MFSD11: variants seen among roughly 807,000 people sequenced by gnomAD.
MFSD11 encodes the protein major facilitator superfamily domain containing 11, also known as UNC93-like protein MFSD11.
MFSD11 carries 36 observed loss-of-function variants against 53.5 expected under a neutral mutation model. That is an observed-to-expected ratio of 0.67 (90% CI 0.52 to 0.89). The LOEUF (loss-of-function observed/expected upper bound fraction) is 0.89. Ranked by LOEUF, MFSD11 falls within the 40% of genes least tolerant of loss-of-function variation. MFSD11 has a pLI of 0.00. For missense variants in MFSD11, 530 were observed against 543.9 expected, an observed-to-expected ratio of 0.97 and a Z score of 0.25; for synonymous variants, 186 against 184.9, an observed-to-expected ratio of 1.01 and a Z score of -0.05.
chr17:76,789,476 T>C, the MFSD11 span, among the ~76,000 whole-genome samples: 1 of 150,046 alleles, frequency 6.7e-6, no homozygotes, highest in Non-Finnish European at 1.5e-5. Context: ...AAACTCCCAT[T>C]TTGCCTCTTA....
At chr17:76,796,380 A>C in the MFSD11 span, among the ~76,000 whole-genome samples, 5 of 152,060 alleles carry the variant, frequency 3.3e-5, no homozygotes, top group Non-Finnish European at 7.4e-5. Flanking sequence ...TCACAACTAT[A>C]TTAACTCTTG....
chr17:76,760,742 G>A (rs987570691), intron 8 of MFSD11, among the ~76,000 whole-genome samples: 6 of 151,972 alleles, frequency 3.9e-5, no homozygotes, highest in Admixed American at 3.3e-4. Context: ...TGTTGGCCAG[G>A]CTAGTCTTGA....
At position 76,738,375 on chromosome 17, in the gene MFSD11, T is replaced by G. The variant is rs749476244; in HGVS notation, c.23T>G (p.Leu8Arg). 1.2e-6 allele frequency: 2 copies of G among 1,614,118 alleles called. No individual in the cohort carries two copies. The highest frequency in any genetic ancestry group is 2.2e-5 in the South Asian group (2 of 91,078). The change falls in exon 1 of 13, where the codon CTT (leucine) becomes CGT (arginine). Residue 8 changes from leucine (L) to arginine (R), a missense_variant. Coordinates refer to ENST00000685175, the MANE Select transcript of MFSD11 (RefSeq NM_001242532.5). MSPESKK[L>R]FNIIILGVAF... ...AAAATGTCCCCGGAATCTAAAAAGC[T>G]TTTCAACATCATTATTTTAGGAGTT...
chr17:76,769,671 C>T, intron 9 of MFSD11, 75 bp from the exon 10 acceptor site: 2 of 1,180,828 alleles, frequency 1.7e-6, no homozygotes, highest in Middle Eastern at 2.4e-4. Context: ...ATTCTTTCGT[C>T]AGATACTACT....
the MFSD11 span, among the ~76,000 whole-genome samples, chr17:76,787,570 A>G: frequency 6.7e-6 from 1 of 150,348 alleles, no homozygotes; most frequent in African/African-American, 2.4e-5. Context: ...TTGGTCCTCC[A>G]AGAAAATGAA....
intron 7 of MFSD11, among the ~76,000 whole-genome samples, chr17:76,747,705 A>G (rs2078678629): frequency 6.6e-6 from 1 of 152,162 alleles, no homozygotes; most frequent in Non-Finnish European, 1.5e-5. Flanking sequence ...CCACAAATTC[A>G]ATGAAAACTG....
Position 76,742,171 on chromosome 17 carries a change from T to TTTTA in MFSD11, c.341-5_341-2dup. On this transcript the variant is annotated splice_region_variant and splice_polypyrimidine_tract_variant and intron_variant, in intron 4 of 12. Coordinates refer to ENST00000685175, the MANE Select transcript of MFSD11 (RefSeq NM_001242532.5). ...TCCCTTGATAAACTTTTGGGTTGAA[T>TTTTA]TTTAGTGCTTTGGACAGCACAAGGA... 6.2e-7 allele frequency: 1 copy of TTTTA among 1,614,156 alleles called. No homozygotes were observed. Among genetic ancestry groups the TTTTA allele is most frequent in the African/African-American group, 1.3e-5 (1 of 75,050 alleles).
chr17:76,753,584 G>A (rs1364797957), intron 7 of MFSD11, among the ~76,000 whole-genome samples: 4 of 151,142 alleles, frequency 2.6e-5, no homozygotes. Context: ...GAGGTGGGAG[G>A]ATGGCTGGTG....
At chr17:76,798,453 C>G in the MFSD11 span, among the ~76,000 whole-genome samples, 2 of 152,180 alleles carry the variant, frequency 1.3e-5, no homozygotes, top group African/African-American at 4.8e-5. Context: ...AACGCCCAAC[C>G]TTCTAATCAC....
At chr17:76,750,624 G>A (rs2078975507) in intron 7 of MFSD11, among the ~76,000 whole-genome samples, 1 of 151,946 alleles carries the variant, frequency 6.6e-6, no homozygotes, top group Non-Finnish European at 1.5e-5. Context: ...CCAAAGTGCT[G>A]GGATTACAGG....
chr17:76,736,746 G>A (rs907056127), upstream of MFSD11: 29 of 1,391,824 alleles, frequency 2.1e-5, no homozygotes, highest in East Asian at 3.4e-4. Flanking sequence ...GAGGTCGCCC[G>A]GGCCTCCCGC....
upstream of MFSD11, chr17:76,736,647 G>A (rs566309566): frequency 5.9e-6 from 7 of 1,178,648 alleles, no homozygotes; most frequent in African/African-American, 6.5e-5. Context: ...GACGGCGGAA[G>A]CTCGCGGGGT....
At chr17:76,790,327 G>A in the MFSD11 span, among the ~76,000 whole-genome samples, 2,051 of 138,868 alleles carry the variant, frequency 0.015, 124 homozygotes, top group African/African-American at 0.052. Flanking sequence ...GCTCGGCCTC[G>A]GCCTCATATT....
chr17:76,755,814 T>TATATATA (rs1598612525), intron 8 of MFSD11, among the ~76,000 whole-genome samples: 7 of 7,810 alleles, frequency 9.0e-4, no homozygotes, highest in South Asian at 0.011. Context: ...ATATATATAT[T>TATATATA]TTTTTTTTTT....
chr17:76,780,072 C>T (rs2082119562), downstream of MFSD11, among the ~76,000 whole-genome samples: 1 of 152,118 alleles, frequency 6.6e-6, no homozygotes, highest in South Asian at 2.1e-4. Flanking sequence ...TCCATAAGAG[C>T]TCACTTAAAT....
intron 8 of MFSD11, among the ~76,000 whole-genome samples, chr17:76,757,820 C>T (rs1298642633): frequency 6.6e-6 from 1 of 151,984 alleles, no homozygotes; most frequent in Non-Finnish European, 1.5e-5. Flanking sequence ...ACCAACCTGG[C>T]CAGGATGGTG....
rs1161259705 is a variant in MFSD11 at position 76,738,979 on chromosome 17, C to T, written c.138C>T (p.Gly46=). 1.2e-6 allele frequency: 2 copies of T among 1,613,566 alleles called. No individual in the cohort carries two copies. Among genetic ancestry groups the T allele is most frequent in the Admixed American group, 3.3e-5 (2 of 60,028 alleles). ...GCTTAAATAGGACAGATTTTCACGG[C>T]AGTGGATATACCAGGTATTGTACCG... is the stretch of plus-strand genomic sequence containing the variant. ...IRSLNRTDFH[G]SGYTSMAIIY... The change falls in exon 2 of 13, where the codon GGC becomes GGT. Residue 46 remains glycine, a synonymous_variant. Coordinates refer to ENST00000685175, the MANE Select transcript of MFSD11 (RefSeq NM_001242532.5).
In MFSD11 at chr17:76,769,872, G is replaced by A; in HGVS notation, c.874+1G>A. On this transcript the variant is annotated splice_donor_variant, in intron 10 of 12. Transcript: ENST00000685175. LOFTEE classifies it high-confidence loss of function. ...TTCATCGGCATTGGAGAAATTTTAG[G>A]TTGGTTTTAAAAAAAAGCGTTTGCA... 1.2e-6 allele frequency: 2 copies of A among 1,602,520 alleles called. No individual in the cohort carries two copies. The highest frequency in any genetic ancestry group is 1.1e-5 in the South Asian group (1 of 87,670).
At chr17:76,796,658 G>T in the MFSD11 span, among the ~76,000 whole-genome samples, 1 of 152,026 alleles carries the variant, frequency 6.6e-6, no homozygotes, top group Non-Finnish European at 1.5e-5. Context: ...TCCAAGAGAG[G>T]GTTCTTGGAT....
Sources: gnomAD v4.1 joint callset for allele counts (sites outside exome capture counted in the v4.1 genomes callset) on GRCh38, gnomAD v4.1.1 for gene constraint, MANE v1.5 for transcripts, NCBI Gene and HGNC (gene_info 2026-07-23, HGNC 2026-07-21) for gene names.